The following PPM1H variants were observed in gnomAD, a reference collection of about 807,000 sequenced individuals.
The protein encoded by PPM1H is protein phosphatase, Mg2+/Mn2+ dependent 1H.
A neutral mutation model predicts 54.9 loss-of-function variants in PPM1H; 27 were observed. The observed-to-expected ratio is 0.49, with a 90% CI of 0.36 to 0.68. The LOEUF (loss-of-function observed/expected upper bound fraction) is 0.68, where lower values mean the gene tolerates loss of function less well. Among genes scored for constraint, PPM1H ranks in the 30% least tolerant of loss-of-function variants. PPM1H has a pLI of 0.00. For missense variants in PPM1H, 596 were observed against 667.8 expected, an observed-to-expected ratio of 0.89 and a Z score of 1.19; for synonymous variants, 305 against 270.8, an observed-to-expected ratio of 1.13 and a Z score of -1.24.
At chr12:62,800,936 G>A (rs947044523) in intron 3 of PPM1H, among the ~76,000 whole-genome samples, 1 of 152,178 alleles carries the variant, frequency 6.6e-6, no homozygotes. Flanking sequence ...AGCGAAGGAT[G>A]ATGAACTCCC....
intron 1 of PPM1H, among the ~76,000 whole-genome samples, chr12:62,902,565 C>T (rs917627024): frequency 1.3e-5 from 2 of 152,166 alleles, no homozygotes; most frequent in East Asian, 1.9e-4. Flanking sequence ...GGGGTCCCCC[C>T]GCCCCTGGGG....
chr12:62,858,067 C>A (rs1472163147), intron 1 of PPM1H, among the ~76,000 whole-genome samples: 1 of 151,870 alleles, frequency 6.6e-6, no homozygotes, highest in African/African-American at 2.4e-5. Context: ...ACCATTACCA[C>A]CACCACCACC....
At chr12:62,761,556 C>A (rs568113900) in intron 4 of PPM1H, among the ~76,000 whole-genome samples, 1 of 152,206 alleles carries the variant, frequency 6.6e-6, no homozygotes, top group South Asian at 2.1e-4. Context: ...ATGTTTTGTA[C>A]TAAGGTAGAG....
chr12:62,725,850 C>G (rs757903563), intron 5 of PPM1H, among the ~76,000 whole-genome samples: 17 of 152,204 alleles, frequency 1.1e-4, no homozygotes, highest in African/African-American at 3.4e-4. Flanking sequence ...AAAACAAAGA[C>G]GTGTCTTAGT....
intron 6 of PPM1H, among the ~76,000 whole-genome samples, chr12:62,698,604 CT>C (rs2076126522): frequency 2.6e-5 from 4 of 152,122 alleles, no homozygotes; most frequent in African/African-American, 9.6e-5. Flanking sequence ...GTACCCGGAA[CT>C]GAAAACACTT....
In PPM1H at chr12:62,792,722, C is replaced by T. The variant is rs564781943; in HGVS notation, c.757-4384G>A. On this transcript the variant is annotated intron_variant, in intron 3 of 9. Transcript: ENST00000228705. ...TCTAAAAATAATTGCTTCCCTCCCC[C>T]TCCTCCCTAGAAGCCAAAATAGCAC... Among the ~76,000 whole-genome samples, 6 of 152,346 alleles carry T rather than the reference C, an allele frequency of 3.9e-5. No individual in the cohort carries two copies. In the East Asian group the frequency reaches 1.2e-3, roughly 29 times the overall value.
chr12:62,825,127 A>T (rs1592619354), intron 2 of PPM1H, among the ~76,000 whole-genome samples: 1 of 152,228 alleles, frequency 6.6e-6, no homozygotes, highest in African/African-American at 2.4e-5. Flanking sequence ...GCCAACACAC[A>T]CATGAAAAAA....
At chr12:62,750,323 G>T (rs1212749783) in intron 4 of PPM1H, among the ~76,000 whole-genome samples, 1 of 152,084 alleles carries the variant, frequency 6.6e-6, no homozygotes, top group African/African-American at 2.4e-5. Context: ...AATCTACTTT[G>T]TCTCTATGGA....
chr12:62,835,606 T>C (rs1417831929), intron 1 of PPM1H, among the ~76,000 whole-genome samples: 2 of 152,182 alleles, frequency 1.3e-5, no homozygotes, highest in African/African-American at 4.8e-5. Flanking sequence ...GAAATGTCAA[T>C]CTAATGGGAA....
intron 2 of PPM1H, among the ~76,000 whole-genome samples, chr12:62,806,741 T>C (rs1555198079): frequency 6.6e-6 from 1 of 152,210 alleles, no homozygotes; most frequent in Non-Finnish European, 1.5e-5. Context: ...TCCCCAGCCA[T>C]GCTTCCTGTA....
chr12:62,717,199 T>A (rs2076239567), intron 6 of PPM1H, among the ~76,000 whole-genome samples: 1 of 152,208 alleles, frequency 6.6e-6, no homozygotes, highest in Non-Finnish European at 1.5e-5. Context: ...TTTCTTCAAC[T>A]TAAGTCCTAT....
intron 9 of PPM1H, among the ~76,000 whole-genome samples, chr12:62,649,004 T>C (rs968876351): frequency 6.6e-6 from 1 of 152,178 alleles, no homozygotes; most frequent in African/African-American, 2.4e-5. Flanking sequence ...GCTTAAAAAG[T>C]ACATGGGAAA....
chr12:62,733,714 T>C (rs946960512), intron 5 of PPM1H, among the ~76,000 whole-genome samples: 9 of 152,340 alleles, frequency 5.9e-5, no homozygotes, highest in African/African-American at 2.2e-4. Flanking sequence ...AGAAATGTTT[T>C]TAGTTATAAA....
At chr12:62,886,399 A>C (rs1870590377) in intron 1 of PPM1H, among the ~76,000 whole-genome samples, 1 of 152,234 alleles carries the variant, frequency 6.6e-6, no homozygotes, top group Non-Finnish European at 1.5e-5. Flanking sequence ...GATGTGTACA[A>C]TCTCATATAA....
intron 1 of PPM1H, among the ~76,000 whole-genome samples, chr12:62,857,466 T>A (rs1869432202): frequency 1.3e-5 from 2 of 152,174 alleles, no homozygotes; most frequent in Admixed American, 1.3e-4. Flanking sequence ...TTTTAAAAAA[T>A]TTATTGTATT....
chr12:62,934,563 G>T lies in PPM1H; in HGVS notation c.174C>A (p.Ala58=), dbSNP rs1337821639. 3.2e-6 allele frequency: 5 copies of T among 1,554,198 alleles called. No homozygotes were observed. The African/African-American group carries it at 6.8e-5, about 21-fold the overall frequency. The change falls in exon 1 of 10, where the codon GCC becomes GCA. Residue 58 remains alanine, a synonymous_variant. Coordinates refer to ENST00000228705, the MANE Select transcript of PPM1H (RefSeq NM_020700.2). This position sits in a 1 kb window ranked among gnomAD's most constrained non-coding sequence, Gnocchi z 4.2. ...GLSQDEVECS[A]DHIARPILIL... ...TGAGGATGGGGCGGGCGATGTGGTCGGCGCTGCACTCCACCTCGTCCTGAG... is the reference window on the plus strand; with the variant it reads ...TGAGGATGGGGCGGGCGATGTGGTCTGCGCTGCACTCCACCTCGTCCTGAG...
At position 62,720,302 on chromosome 12, in the gene PPM1H, A is replaced by C. The variant is rs768762904; in HGVS notation, c.955-13T>G. 14 of 1,568,214 alleles carry C rather than the reference A, an allele frequency of 8.9e-6. No homozygotes were observed. The highest frequency in any genetic ancestry group is 1.4e-5 in the African/African-American group (1 of 73,784). On this transcript the variant is annotated splice_polypyrimidine_tract_variant and intron_variant, in intron 5 of 9. Transcript: ENST00000228705. ...GCTGCATGAATGCCTAATAGCAAAA[A>C]GAAAAAGAAAAAACACACACATACA...
At chr12:62,685,552 G>T (rs140648670) in intron 8 of PPM1H, among the ~76,000 whole-genome samples, 1 of 152,178 alleles carries the variant, frequency 6.6e-6, no homozygotes, top group African/African-American at 2.4e-5. Context: ...TCTGTAAATT[G>T]GGTATAATAA....
intron 4 of PPM1H, among the ~76,000 whole-genome samples, chr12:62,772,072 C>A (rs1223567726): frequency 6.6e-6 from 1 of 152,170 alleles, no homozygotes; most frequent in Non-Finnish European, 1.5e-5. Flanking sequence ...AATTAGGATT[C>A]AATCCTGGGC....
Sources: allele counts gnomAD v4.1 joint callset (sites outside exome capture counted in the v4.1 genomes callset), GRCh38; gene constraint gnomAD v4.1.1; non-coding constraint Gnocchi (gnomAD v3.1); transcripts MANE v1.5; gene names NCBI Gene and HGNC (gene_info 2026-07-23, HGNC 2026-07-21).